DMD: variants seen among roughly 807,000 people sequenced by gnomAD.
DMD encodes the protein dystrophin, also known as mutant dystrophin.
A neutral mutation model predicts 330.1 loss-of-function variants in DMD; 63 were observed. That is an observed-to-expected ratio of 0.19 (90% confidence interval 0.16 to 0.24). The LOEUF (loss-of-function observed/expected upper bound fraction) is 0.24. Among genes scored for constraint, DMD ranks in the 10% least tolerant of loss-of-function variants. The pLI, the probability that DMD is intolerant of heterozygous loss-of-function variation, is 1.00. For missense variants in DMD, 3,344 were observed against 2,684.1 expected, an observed-to-expected ratio of 1.25 and a Z score of -5.43; for synonymous variants, 1,223 against 959.8, an observed-to-expected ratio of 1.27 and a Z score of -5.07.
At chrX:32,230,151 T>C (rs750091769) in intron 43 of DMD, among the ~76,000 whole-genome samples, 2 of 112,311 alleles carry the variant, frequency 1.8e-5, no homozygotes, top group South Asian at 7.4e-4. Flanking sequence ...CAGATTCAAA[T>C]TTATCCATAA....
chrX:31,169,300 A>AGG (rs769624342), intron 74 of DMD, 143 bp downstream of exon 74: 173 of 458,433 alleles, frequency 3.8e-4, no homozygotes, highest in Non-Finnish European at 6.0e-4. Flanking sequence ...AAAGAGAGAG[A>AGG]GAATCTGCAA....
chrX:33,148,853 G>C (rs2048149020), intron 1 of DMD, among the ~76,000 whole-genome samples: 2 of 111,260 alleles, frequency 1.8e-5, no homozygotes, highest in Admixed American at 1.9e-4. Context: ...CGTATGCTTT[G>C]GCGGATTAAA....
intron 42 of DMD, among the ~76,000 whole-genome samples, chrX:32,297,398 C>T (rs1339534521): frequency 1.8e-5 from 2 of 109,654 alleles, no homozygotes; most frequent in African/African-American, 3.3e-5. Context: ...CTCAGCCTCC[C>T]GAGTAGCTGG....
intron 7 of DMD, among the ~76,000 whole-genome samples, chrX:32,767,238 G>A (rs1439964997): frequency 9.0e-6 from 1 of 111,048 alleles, no homozygotes; most frequent in Non-Finnish European, 1.9e-5. Flanking sequence ...AGGGAACCCT[G>A]GTGTAAAATT....
intron 1 of DMD, among the ~76,000 whole-genome samples, chrX:33,114,367 C>T (rs957336885): frequency 3.6e-5 from 4 of 110,665 alleles, no homozygotes; most frequent in African/African-American, 1.3e-4. Flanking sequence ...GCCTCAGACT[C>T]CCAAAGTGCT....
chrX:31,607,651 T>C (rs1192061918), intron 55 of DMD, among the ~76,000 whole-genome samples: 2 of 112,412 alleles, frequency 1.8e-5, no homozygotes, highest in African/African-American at 6.5e-5. Context: ...AGGAAATTAA[T>C]GTTATTCTCT....
chrX:31,804,841 T>C (rs2092233896), intron 50 of DMD, among the ~76,000 whole-genome samples: 1 of 109,907 alleles, frequency 9.1e-6, no homozygotes, highest in Admixed American at 9.7e-5. Flanking sequence ...AAATTTCCTT[T>C]TTTTTTTTTT....
At chrX:32,550,387 C>T (rs1312664457) in intron 16 of DMD, among the ~76,000 whole-genome samples, 1 of 111,313 alleles carries the variant, frequency 9.0e-6, no homozygotes, top group Non-Finnish European at 1.9e-5. Context: ...CCTGAATGAC[C>T]TCTGGGTAAA....
At chrX:31,143,260 C>T (rs1390314140) in intron 76 of DMD, among the ~76,000 whole-genome samples, 5 of 110,363 alleles carry the variant, frequency 4.5e-5, no homozygotes, top group East Asian at 2.9e-4. Context: ...ATCATGGCGG[C>T]GGTTTCCCCC....
chrX:31,311,949 A>T (rs1327436068), intron 62 of DMD, among the ~76,000 whole-genome samples: 1 of 111,863 alleles, frequency 8.9e-6, no homozygotes, highest in Non-Finnish European at 1.9e-5. Context: ...TTACACAAAA[A>T]TTAACTCAAG....
chrX:31,256,165 T>C (rs1163367270), intron 63 of DMD, among the ~76,000 whole-genome samples: 2 of 111,945 alleles, frequency 1.8e-5, no homozygotes, highest in African/African-American at 3.2e-5. Context: ...CTTACTCCAC[T>C]ACTATTCTCT....
chrX:32,038,505 T>A (rs1006535866), intron 44 of DMD, among the ~76,000 whole-genome samples: 11 of 111,108 alleles, frequency 9.9e-5, no homozygotes, highest in African/African-American at 3.6e-4. Flanking sequence ...GTGAAGAGTA[T>A]CTCTGGGCGA....
chrX:31,888,840 C>T (rs150688329), intron 47 of DMD, among the ~76,000 whole-genome samples: 40 of 112,341 alleles, frequency 3.6e-4, no homozygotes, highest in African/African-American at 1.2e-3. Context: ...AATTACAAAT[C>T]ATTTTTATGA....
At chrX:32,728,997 A>C (rs1272585943) in intron 7 of DMD, among the ~76,000 whole-genome samples, 2 of 112,183 alleles carry the variant, frequency 1.8e-5, no homozygotes, top group Non-Finnish European at 3.8e-5. Context: ...GGGCGCAATT[A>C]TGAACAAAGA....
At chrX:31,371,851 C>T (rs1482861110) in intron 60 of DMD, among the ~76,000 whole-genome samples, 2 of 112,290 alleles carry the variant, frequency 1.8e-5, no homozygotes, top group Non-Finnish European at 3.8e-5. Context: ...ATTAAGAACT[C>T]AGGTACTGAA....
At chrX:32,338,624 T>C (rs2097726560) in intron 41 of DMD, among the ~76,000 whole-genome samples, 2 of 111,911 alleles carry the variant, frequency 1.8e-5, no homozygotes, top group Non-Finnish European at 3.8e-5. Flanking sequence ...GTTTGGCATC[T>C]GATAACATTG....
chrX:32,676,442 C>G lies in DMD; in HGVS notation c.960+21428G>C, dbSNP rs143649799. Among the ~76,000 whole-genome samples the G allele has an allele frequency of 7.0e-3, 779 of 111,345 alleles. 8 individuals are homozygous for G. Among genetic ancestry groups the G allele is most frequent in the African/African-American group, 0.021 (659 of 30,741 alleles). On this transcript the variant is annotated intron_variant, in intron 9 of 78. Coordinates refer to ENST00000357033, the MANE Select transcript of DMD (RefSeq NM_004006.3). The stretch of plus-strand genomic sequence containing the variant: ...AATAAGTAGTATTTTGCCTGGCTTT[C>G]CAAGTCCTCAGAGTCTCACCATACC...
chrX:31,459,564 A>T (rs991849373), intron 59 of DMD, among the ~76,000 whole-genome samples: 2 of 112,234 alleles, frequency 1.8e-5, no homozygotes, highest in African/African-American at 3.2e-5. Flanking sequence ...GTCTATAATG[A>T]TGCATAATCC....
At chrX:32,204,116 T>C (rs1019953230) in intron 44 of DMD, among the ~76,000 whole-genome samples, 1 of 111,693 alleles carries the variant, frequency 9.0e-6, no homozygotes, top group Admixed American at 9.5e-5. Context: ...TTTTATTAGT[T>C]TCCTCAAGAT....
Sources: gnomAD v4.1 joint callset for allele counts (sites outside exome capture counted in the v4.1 genomes callset) on GRCh38, gnomAD v4.1.1 for gene constraint, MANE v1.5 for transcripts, NCBI Gene and HGNC (gene_info 2026-07-23, HGNC 2026-07-21) for gene names.